The following NCAPG2 variants were observed in gnomAD, a reference collection of about 807,000 sequenced individuals.
NCAPG2 encodes the protein non-SMC condensin II complex subunit G2, also known as condensin-2 complex subunit G2.
In NCAPG2, 53 loss-of-function variants were observed where a neutral mutation model predicts 141.1. The observed-to-expected ratio is 0.38, with a 90% CI of 0.30 to 0.47. NCAPG2 has a LOEUF of 0.47. Among genes scored for constraint, NCAPG2 ranks in the 20% least tolerant of loss-of-function variants. The probability of loss-of-function intolerance (pLI) is 0.99; values close to 1 mark genes in which losing one functional copy is unlikely to be tolerated. For missense variants in NCAPG2, 1,087 were observed against 1,389.0 expected (o/e 0.78, Z 3.46); for synonymous variants, 499 against 490.7 (o/e 1.02, Z -0.22).
At position 158,680,704 on chromosome 7, in the gene NCAPG2, CTA is replaced by C; in HGVS notation, c.1020+15_1020+16del. ...GTAGTACATTCCAAACACGGATAAA[CTA>C]TTTGAAATGTATACCTTTAATCCTC... On this transcript the variant is annotated intron_variant, in intron 10 of 27. Coordinates refer to ENST00000356309, the MANE Select transcript of NCAPG2 (RefSeq NM_017760.7). 1 of 1,462,314 alleles carries C rather than the reference CTA, an allele frequency of 6.8e-7. No individual in the cohort carries two copies. Among genetic ancestry groups the C allele is most frequent in the South Asian group, 1.5e-5 (1 of 68,574 alleles). The allele number at this position is 1,462,314 out of a possible 1,614,324, so 90.6% of individuals were successfully genotyped here.
At chr7:158,701,760 C>T in intron 2 of NCAPG2, 62 bp downstream of exon 2, 1 of 1,410,168 alleles carries the variant, frequency 7.1e-7, no homozygotes, top group Non-Finnish European at 1.0e-6. Context: ...GACATAATGA[C>T]TTTAGAACAT....
intron 7 of NCAPG2, 141 bp downstream of exon 7, chr7:158,687,207 C>T (rs1034581340): frequency 4.1e-6 from 2 of 483,842 alleles, no homozygotes; most frequent in African/African-American, 4.0e-5. Context: ...GAAAAAGCTA[C>T]CCAGTGATCC....
intron 11 of NCAPG2, among the ~76,000 whole-genome samples, chr7:158,677,525 CAAAAAAAAAAAA>C: frequency 2.2e-5 from 2 of 90,404 alleles, no homozygotes; most frequent in African/African-American, 9.1e-5. Context: ...AAAAATAAAG[CAAAAAAAAAAAA>C]AAAAAAAAAA....
At position 158,671,628 on chromosome 7, in the gene NCAPG2, T is replaced by C. The variant is rs201606720; in HGVS notation, c.1365A>G (p.Pro455=). The change falls in exon 13 of 28, where the codon CCA becomes CCG. Residue 455 remains proline (P), a synonymous_variant. Transcript: ENST00000356309. ...GAGCTGGAAGGAGCTGCTCTAACAA[T>C]GGGTGGCTCAGTTTGTTGTCCAAAA... ...PMILDNKLSH[P]LLEQLLPALR... 3.8e-5 allele frequency: 62 copies of C among 1,614,148 alleles called. No homozygotes were observed. In the East Asian group the frequency reaches 1.2e-3, roughly 31 times the overall value.
chr7:158,631,546 A>C lies in NCAPG2; in HGVS notation c.*120T>G. 9.9e-7 allele frequency: 1 copy of C among 1,014,026 alleles called. No homozygotes were observed. Among genetic ancestry groups the C allele is most frequent in the East Asian group, 2.4e-5 (1 of 41,758 alleles). The allele number at this position is 1,014,026 out of a possible 1,614,324, so 62.8% of individuals were successfully genotyped here. On this transcript the variant is annotated 3_prime_UTR_variant, in exon 28 of 28. Transcript: ENST00000356309. Reference sequence around the variant, plus strand: ...CCCCACCTTCCCACATTCCCACAAAAAAATCCCACCCTTTCCCTATTATAT... The same window carrying C: ...CCCCACCTTCCCACATTCCCACAAACAAATCCCACCCTTTCCCTATTATAT...
chr7:158,659,928 G>T (rs1036047813), intron 16 of NCAPG2, among the ~76,000 whole-genome samples: 3 of 151,812 alleles, frequency 2.0e-5, no homozygotes, highest in African/African-American at 7.3e-5. Flanking sequence ...TGGCTAACAC[G>T]GTGAAACCAC....
At chr7:158,634,110 T>G (rs1830041731) in intron 27 of NCAPG2, among the ~76,000 whole-genome samples, 1 of 152,160 alleles carries the variant, frequency 6.6e-6, no homozygotes, top group Non-Finnish European at 1.5e-5. Context: ...AAAAATACTT[T>G]AGAGAAAAAT....
Position 158,641,561 on chromosome 7 carries a change from A to G in NCAPG2, c.3380+2728T>C, listed in dbSNP as rs1010964018. 25 of 441,556 alleles carry G rather than the reference A, an allele frequency of 5.7e-5. 1 individual carries two copies. Among genetic ancestry groups the G allele is most frequent in the African/African-American group, 9.8e-5 (4 of 40,914 alleles). 27.4% of individuals were successfully genotyped at this position (441,556 alleles called of 1,614,324 possible). A position where few individuals can be genotyped will look rare whatever the true frequency, so the allele number is the denominator to read the frequency against. On this transcript the variant is annotated intron_variant, in intron 27 of 27. Coordinates refer to ENST00000356309, the MANE Select transcript of NCAPG2 (RefSeq NM_017760.7). ...ACACAGCAAGTCCTCATATCTTGGA[A>G]AAAAAAAAAAAAAGGAAATGAATAA...
At chr7:158,651,046 A>G in intron 23 of NCAPG2, 74 bp from the exon 24 acceptor site, 1 of 1,433,538 alleles carries the variant, frequency 7.0e-7, no homozygotes, top group South Asian at 1.4e-5. Context: ...AACACTTTAA[A>G]ATAAGTATTC....
chr7:158,654,006 A>G (rs1831714008), intron 22 of NCAPG2, among the ~76,000 whole-genome samples: 2 of 152,156 alleles, frequency 1.3e-5, no homozygotes, highest in Non-Finnish European at 2.9e-5. Flanking sequence ...GTCCCAGCTC[A>G]GCAGTACTCT....
At chr7:158,665,078 AG>A (rs760023066) in intron 13 of NCAPG2, 2 of 208,812 alleles carry the variant, frequency 9.6e-6, no homozygotes, top group Non-Finnish European at 1.9e-5. Context: ...AATTTCTTAA[AG>A]TACCTTAACT....
chr7:158,699,609 C>T (rs1399378554), intron 2 of NCAPG2, among the ~76,000 whole-genome samples: 1 of 152,130 alleles, frequency 6.6e-6, no homozygotes. Flanking sequence ...GCACCCTCCC[C>T]AGGCCCACCG....
At chr7:158,652,725 T>C (rs1349617158) in intron 22 of NCAPG2, among the ~76,000 whole-genome samples, 1 of 152,246 alleles carries the variant, frequency 6.6e-6, no homozygotes, top group Non-Finnish European at 1.5e-5. Flanking sequence ...ACAGTAATAG[T>C]GTATTAGTCA....
chr7:158,667,000 G>T, intron 13 of NCAPG2: 3 of 407,830 alleles, frequency 7.4e-6, no homozygotes, highest in Non-Finnish European at 9.9e-6. Flanking sequence ...CATGTGCCAG[G>T]TTGTTCCTGC....
intron 17 of NCAPG2, among the ~76,000 whole-genome samples, chr7:158,658,075 G>A (rs1365101438): frequency 6.6e-6 from 1 of 150,762 alleles, no homozygotes. Flanking sequence ...TTGTTTATCT[G>A]CTGACCTTCC....
At position 158,692,871 on chromosome 7, in the gene NCAPG2, G is replaced by T. The variant is rs557893013; in HGVS notation, c.353C>A (p.Ala118Asp). 2.5e-6 allele frequency: 4 copies of T among 1,584,766 alleles called. No homozygotes were observed. The South Asian group carries it at 3.4e-5, about 13-fold the overall frequency. ...TAATATAATAACACATTCCAGTAGG[G>T]CTTCGTAGTTCTCACTTTCATTTAT... ...SVINESENYE[A>D]LLECVIILNG... The change falls in exon 4 of 28, where the codon GCC (alanine) becomes GAC (aspartate). Residue 118 changes from alanine to aspartate, a missense_variant. Coordinates refer to ENST00000356309, the MANE Select transcript of NCAPG2 (RefSeq NM_017760.7).
At chr7:158,642,556 T>G (rs1181571297) in intron 27 of NCAPG2, among the ~76,000 whole-genome samples, 2 of 148,330 alleles carry the variant, frequency 1.3e-5, no homozygotes, top group African/African-American at 2.5e-5. Flanking sequence ...AAATAAAAAC[T>G]GATGGGAAGA....
At chr7:158,697,931 A>G (rs997217706) in intron 2 of NCAPG2, among the ~76,000 whole-genome samples, 2 of 152,158 alleles carry the variant, frequency 1.3e-5, no homozygotes, top group Non-Finnish European at 2.9e-5. Flanking sequence ...ACACTGGCCT[A>G]TTGGAGGGTA....
Position 158,671,974 on chromosome 7 carries a change from TGAAA to T in NCAPG2, c.1327-312_1327-309del, listed in dbSNP as rs923260063. ...GCTAAATTTTAGAGAATTTTTGAGT[TGAAA>T]GAAACACAGAATAACTACTGGTCAC... On this transcript the variant is annotated intron_variant, in intron 12 of 27. Coordinates refer to ENST00000356309, the MANE Select transcript of NCAPG2 (RefSeq NM_017760.7). 1.4e-4 allele frequency among the ~76,000 whole-genome samples: 21 copies of T among 152,240 alleles called. 1 individual carries two copies. Among genetic ancestry groups the T allele is most frequent in the African/African-American group, 4.6e-4 (19 of 41,554 alleles).
Sources: gnomAD v4.1 joint callset for allele counts (sites outside exome capture counted in the v4.1 genomes callset) on GRCh38, gnomAD v4.1.1 for gene constraint, MANE v1.5 for transcripts, NCBI Gene and HGNC (gene_info 2026-07-23, HGNC 2026-07-21) for gene names.